The following GPC5 variants were observed in gnomAD, a reference collection of about 807,000 sequenced individuals.
GPC5 encodes the protein glypican 5.
A neutral mutation model predicts 53.9 loss-of-function variants in GPC5; 47 were observed. The observed-to-expected ratio is 0.87, with a 90% CI of 0.69 to 1.11. The LOEUF is 1.11. Among genes scored for constraint, GPC5 ranks in the 50% most tolerant of loss-of-function variants. The pLI is 0.00. For synonymous variants in GPC5, 286 were observed against 263.3 expected (o/e 1.09, Z -0.84); for missense variants, 748 against 713.1 (o/e 1.05, Z -0.56).
At chr13:91,446,414 T>A (rs1409341579) in intron 1 of GPC5, among the ~76,000 whole-genome samples, 4 of 152,200 alleles carry the variant, frequency 2.6e-5, no homozygotes, top group Non-Finnish European at 5.9e-5. Context: ...CTGTTTCTTT[T>A]GGAGTTTGAT....
intron 7 of GPC5, among the ~76,000 whole-genome samples, chr13:92,596,832 C>G (rs539967242): frequency 6.6e-6 from 1 of 152,054 alleles, no homozygotes; most frequent in Non-Finnish European, 1.5e-5. Context: ...AAAACAGGCT[C>G]CTTATGAATT....
intron 7 of GPC5, among the ~76,000 whole-genome samples, chr13:92,367,309 T>A (rs1261655919): frequency 6.6e-6 from 1 of 152,202 alleles, no homozygotes; most frequent in Non-Finnish European, 1.5e-5. Context: ...ATGCAAACAA[T>A]ATTTAATTTT....
At chr13:92,467,398 T>C (rs2139417673) in intron 7 of GPC5, among the ~76,000 whole-genome samples, 1 of 152,238 alleles carries the variant, frequency 6.6e-6, no homozygotes, top group South Asian at 2.1e-4. Flanking sequence ...TGCTTATAGA[T>C]GAGTCTGGCT....
intron 5 of GPC5, among the ~76,000 whole-genome samples, chr13:91,794,421 G>A (rs1199113344): frequency 6.6e-6 from 1 of 152,088 alleles, no homozygotes; most frequent in Non-Finnish European, 1.5e-5. Flanking sequence ...CCTGTCACAC[G>A]ATTCTAACAC....
chr13:92,841,354 G>A (rs764493219), intron 7 of GPC5, among the ~76,000 whole-genome samples: 10 of 152,194 alleles, frequency 6.6e-5, no homozygotes, highest in Non-Finnish European at 1.0e-4. Context: ...TGAAGCAGCA[G>A]AAGTGATTTT....
At chr13:92,304,189 T>C (rs1388501120) in intron 7 of GPC5, among the ~76,000 whole-genome samples, 1 of 151,662 alleles carries the variant, frequency 6.6e-6, no homozygotes, top group Admixed American at 6.6e-5. Flanking sequence ...GGCTTTGATA[T>C]GACCATTTAC....
At chr13:92,757,084 C>T (rs1225909910) in intron 7 of GPC5, among the ~76,000 whole-genome samples, 2 of 151,620 alleles carry the variant, frequency 1.3e-5, no homozygotes, top group Non-Finnish European at 1.5e-5. Context: ...TCAAACTATA[C>T]TACAAGGCTA....
intron 6 of GPC5, among the ~76,000 whole-genome samples, chr13:92,078,670 T>G (rs576334948): frequency 6.6e-6 from 1 of 152,324 alleles, no homozygotes; most frequent in African/African-American, 2.4e-5. Context: ...CTTCATACAC[T>G]GCTTCCAATA....
chr13:91,491,578 A>C (rs1399410336), intron 2 of GPC5, among the ~76,000 whole-genome samples: 1 of 152,148 alleles, frequency 6.6e-6, no homozygotes, highest in Non-Finnish European at 1.5e-5. Context: ...AAAATAATAA[A>C]AAATTATTTT....
chr13:91,401,297 A>T (rs532484122), intron 1 of GPC5, among the ~76,000 whole-genome samples: 3 of 147,502 alleles, frequency 2.0e-5, no homozygotes, highest in South Asian at 2.1e-4. Context: ...CATCTCTCTA[A>T]AAAAAAAAAC....
At chr13:91,636,096 G>C (rs147618261) in intron 2 of GPC5, among the ~76,000 whole-genome samples, 24 of 151,676 alleles carry the variant, frequency 1.6e-4, no homozygotes, top group African/African-American at 5.6e-4. Flanking sequence ...CTTAGTATTT[G>C]GGATTTTCAA....
intron 6 of GPC5, among the ~76,000 whole-genome samples, chr13:91,991,941 A>T (rs2040460623): frequency 6.6e-6 from 1 of 152,200 alleles, no homozygotes; most frequent in Non-Finnish European, 1.5e-5. Context: ...ATTTATATTC[A>T]CACATGCAGT....
chr13:92,499,771 G>A (rs1251927466), intron 7 of GPC5, among the ~76,000 whole-genome samples: 1 of 152,148 alleles, frequency 6.6e-6, no homozygotes, highest in African/African-American at 2.4e-5. Context: ...GTTTGGCTAA[G>A]TGAATCTTCT....
chr13:91,629,131 A>G (rs887137005), intron 2 of GPC5, among the ~76,000 whole-genome samples: 5 of 152,132 alleles, frequency 3.3e-5, no homozygotes, highest in Non-Finnish European at 5.9e-5. Flanking sequence ...TCTATGTGTT[A>G]ATAAATTATT....
chr13:91,670,328 G>A (rs1248602606), intron 2 of GPC5, among the ~76,000 whole-genome samples: 2 of 152,118 alleles, frequency 1.3e-5, no homozygotes, highest in African/African-American at 4.8e-5. Context: ...ATTCAGTGTT[G>A]AGTCTACTGC....
chr13:92,477,718 A>G (rs1271458567), intron 7 of GPC5, among the ~76,000 whole-genome samples: 1 of 152,132 alleles, frequency 6.6e-6, no homozygotes, highest in Admixed American at 6.6e-5. Flanking sequence ...GAAGTCCCAG[A>G]AATCTTTTTA....
In GPC5 at chr13:92,144,923, G is replaced by C. The variant is rs1341905157; in HGVS notation, c.1495G>C (p.Asp499His). ...GGTTGAACAAGTCAGTGGGGACTGT[G>C]ATGATGAAGATGGTTGCGGGGGATC... ...GMVEQVSGDCDDEDGCGGSGS... is the reference protein window; with the variant it reads ...GMVEQVSGDCHDEDGCGGSGS... Residue 499 changes from aspartate to histidine, a missense_variant, in exon 7 of 8, where the codon GAT (aspartate) becomes CAT (histidine). Coordinates refer to ENST00000377067, the MANE Select transcript of GPC5 (RefSeq NM_004466.6). The C allele has an allele frequency of 7.5e-6, 12 of 1,597,178 alleles. No homozygotes were observed. Among genetic ancestry groups the C allele is most frequent in the Non-Finnish European group, 9.4e-6 (11 of 1,173,944 alleles).
intron 3 of GPC5, among the ~76,000 whole-genome samples, chr13:91,718,239 T>C (rs1454849569): frequency 2.6e-5 from 4 of 151,856 alleles, no homozygotes; most frequent in Non-Finnish European, 4.4e-5. Flanking sequence ...GCCTCTGGAG[T>C]AGCTGGGACT....
intron 5 of GPC5, among the ~76,000 whole-genome samples, chr13:91,823,834 T>C (rs1269926526): frequency 2.6e-5 from 4 of 152,110 alleles, no homozygotes; most frequent in African/African-American, 9.7e-5. Flanking sequence ...TTTTGCTTCA[T>C]TAGTTCTTTC....
Sources: allele counts gnomAD v4.1 joint callset (sites outside exome capture counted in the v4.1 genomes callset), GRCh38; gene constraint gnomAD v4.1.1; transcripts MANE v1.5; gene names NCBI Gene and HGNC (gene_info 2026-07-23, HGNC 2026-07-21).